HADHA: variants seen among roughly 807,000 people sequenced by gnomAD.
The protein encoded by HADHA is trifunctional enzyme subunit alpha, mitochondrial.
A neutral mutation model predicts 91.3 loss-of-function variants in HADHA; 59 were observed. The observed-to-expected ratio is 0.65, with a 90% CI of 0.52 to 0.80. The LOEUF (loss-of-function observed/expected upper bound fraction) is 0.80, where lower values mean the gene tolerates loss of function less well. Ranked by LOEUF, HADHA falls within the 30% of genes least tolerant of loss-of-function variation. The pLI, the probability that HADHA is intolerant of heterozygous loss-of-function variation, is 0.00. For synonymous variants in HADHA, 320 were observed against 338.9 expected (o/e 0.94, Z 0.61); for missense variants, 800 against 927.6 (o/e 0.86, Z 1.79).
chr2:26,218,336 C>T (rs1408389377), intron 7 of HADHA, among the ~76,000 whole-genome samples: 1 of 151,260 alleles, frequency 6.6e-6, no homozygotes, highest in Non-Finnish European at 1.5e-5. Context: ...CATTAGCAAT[C>T]TAGGAAAAAT....
chr2:26,227,799 A>T (rs1387182511), intron 7 of HADHA, among the ~76,000 whole-genome samples: 1 of 151,906 alleles, frequency 6.6e-6, no homozygotes, highest in African/African-American at 2.4e-5. Flanking sequence ...GCAAGACTCA[A>T]AGTCTCATCT....
rs1035677622 is a variant in HADHA, at chr2:26,214,211, C to T, written c.918+232G>A. ...CTGGTTTTCTGGTTTGTTACTGATA[C>T]ATTTAACTGCATCAATCAATGAGTA... On this transcript the variant is annotated intron_variant, in intron 9 of 19. Coordinates refer to ENST00000380649, the MANE Select transcript of HADHA (RefSeq NM_000182.5). The surrounding 1 kb of genome is among the most constrained non-coding windows in gnomAD (Gnocchi z 4.1). 1.7e-4 allele frequency among the ~76,000 whole-genome samples: 26 copies of T among 152,164 alleles called. No individual in the cohort carries two copies. The highest frequency in any genetic ancestry group is 6.0e-4 in the African/African-American group (25 of 41,438).
intron 12 of HADHA, 143 bp downstream of exon 12, chr2:26,203,919 T>A (rs564346237): frequency 7.1e-6 from 6 of 840,902 alleles, no homozygotes; most frequent in African/African-American, 6.7e-5. Flanking sequence ...CTACGGAGTA[T>A]CTAGAACTCA....
At chr2:26,200,967 C>T (rs1485922347) in intron 13 of HADHA, among the ~76,000 whole-genome samples, 182 bp downstream of exon 13, 3 of 152,026 alleles carry the variant, frequency 2.0e-5, no homozygotes, top group Admixed American at 6.6e-5. Flanking sequence ...CTCCTTACCT[C>T]GTGATCCGCC....
intron 5 of HADHA, among the ~76,000 whole-genome samples, chr2:26,232,492 T>C (rs1670647451): frequency 6.6e-6 from 1 of 152,124 alleles, no homozygotes; most frequent in Non-Finnish European, 1.5e-5. Flanking sequence ...TTTTGGGCCG[T>C]AGATCTCCTA....
chr2:26,202,569 C>T (rs1310577170), intron 12 of HADHA, among the ~76,000 whole-genome samples: 5 of 152,104 alleles, frequency 3.3e-5, no homozygotes, highest in Admixed American at 6.6e-5. Context: ...GGTGAAATCC[C>T]GTCTCTATAA....
intron 4 of HADHA, among the ~76,000 whole-genome samples, 189 bp downstream of exon 4, chr2:26,236,666 C>T (rs1348263665): frequency 6.6e-6 from 1 of 152,032 alleles, no homozygotes; most frequent in African/African-American, 2.4e-5. Context: ...CCACCTGCCT[C>T]GGCCTCCCAA....
Position 26,195,206 on chromosome 2 carries a change from G to C in HADHA, c.1506C>G (p.Pro502=). The change falls in exon 15 of 20, where the codon CCC becomes CCG. Residue 502 remains proline (P), a synonymous_variant. Coordinates refer to ENST00000380649, the MANE Select transcript of HADHA (RefSeq NM_000182.5). ...EKVIGMHYFS[P]VDKMQLLEII... ...TCTCCAGCAGCTGCATCTTGTCCACGGGAGAGAAGTAGTGCATGCCAATCA... is the reference window on the plus strand; with the variant it reads ...TCTCCAGCAGCTGCATCTTGTCCACCGGAGAGAAGTAGTGCATGCCAATCA... 1 of 1,612,734 alleles carries C rather than the reference G, an allele frequency of 6.2e-7. No individual in the cohort carries two copies. The highest frequency in any genetic ancestry group is 8.5e-7 in the Non-Finnish European group (1 of 1,178,852).
At chr2:26,207,424 A>G (rs1222018720) in intron 11 of HADHA, among the ~76,000 whole-genome samples, 1 of 151,132 alleles carries the variant, frequency 6.6e-6, no homozygotes, top group Non-Finnish European at 1.5e-5. Flanking sequence ...CTTTTTTGGT[A>G]TAACAGAATC....
At chr2:26,231,968 C>CAAAA (rs70950177) in intron 6 of HADHA, among the ~76,000 whole-genome samples, 192 bp downstream of exon 6, 2 of 92,460 alleles carry the variant, frequency 2.2e-5, no homozygotes, top group Admixed American at 1.2e-4. Flanking sequence ...GATTTTGTCT[C>CAAAA]AAAAAAAAAA....
intron 10 of HADHA, among the ~76,000 whole-genome samples, chr2:26,211,544 A>G (rs1670101410): frequency 6.6e-6 from 1 of 152,240 alleles, no homozygotes; most frequent in African/African-American, 2.4e-5. Flanking sequence ...TATAAGGTGT[A>G]TATGAAATTA....
At chr2:26,234,187 A>G (rs1198682407) in intron 5 of HADHA, 30 bp downstream of exon 5, 28 of 1,604,690 alleles carry the variant, frequency 1.7e-5, no homozygotes, top group Non-Finnish European at 2.3e-5. Context: ...TGAGTTGGAC[A>G]GTGTCTCAAT....
At position 26,214,576 on chromosome 2, in the gene HADHA, GC is replaced by G. The variant is rs759071815; in HGVS notation, c.800-16del. 7.6e-6 allele frequency: 10 copies of G among 1,316,206 alleles called. No homozygotes were observed. The South Asian group carries it at 1.2e-4, about 15-fold the overall frequency. 81.5% of individuals were successfully genotyped at this position (1,316,206 alleles called of 1,614,324 possible). A position where few individuals can be genotyped will look rare whatever the true frequency, so the allele number is the denominator to read the frequency against. On this transcript the variant is annotated splice_polypyrimidine_tract_variant and intron_variant, in intron 8 of 19. Transcript: ENST00000380649. This position sits in a 1 kb window ranked among gnomAD's most constrained non-coding sequence, Gnocchi z 4.1. The stretch of plus-strand genomic sequence containing the variant: ...CGCTGTCAATTCTGTAAAATAAAAT[GC>G]TTTTAGATATTTACTATAAAGAGCC...
At chr2:26,209,222 G>A (rs182959611) in intron 11 of HADHA, among the ~76,000 whole-genome samples, 51 of 152,202 alleles carry the variant, frequency 3.4e-4, no homozygotes, top group Admixed American at 1.4e-3. Context: ...AATTGTCCAC[G>A]CTGAGAACCA....
intron 14 of HADHA, 116 bp downstream of exon 14, chr2:26,197,575 G>A (rs139386600): frequency 8.2e-6 from 6 of 733,292 alleles, no homozygotes; most frequent in African/African-American, 6.8e-5. Flanking sequence ...CAGTGTTTAG[G>A]AACCACCCGC....
At chr2:26,224,115 G>A (rs533002029) in intron 7 of HADHA, among the ~76,000 whole-genome samples, 5 of 152,284 alleles carry the variant, frequency 3.3e-5, no homozygotes, top group South Asian at 2.1e-4. Context: ...CCATAAAGCC[G>A]CAGGAACCTT....
intron 1 of HADHA, among the ~76,000 whole-genome samples, chr2:26,244,250 G>A (rs558617665): frequency 6.6e-6 from 1 of 152,382 alleles, no homozygotes; most frequent in East Asian, 1.9e-4. Flanking sequence ...GCCCAGAAGT[G>A]CGACGCAAGA....
In HADHA at chr2:26,236,830, T is replaced by C. The variant is rs1334093375; in HGVS notation, c.314+25A>G. The C allele has an allele frequency of 1.9e-6, 3 of 1,584,378 alleles. No homozygotes were observed. The South Asian group carries it at 3.3e-5, about 18-fold the overall frequency. On this transcript the variant is annotated intron_variant, in intron 4 of 19. Coordinates refer to ENST00000380649, the MANE Select transcript of HADHA (RefSeq NM_000182.5). ...ACACACTATTAACCAAGATAAAAGG[T>C]GACTTCAAGTTTCCTAAAACTTACT...
intron 1 of HADHA, among the ~76,000 whole-genome samples, chr2:26,242,428 A>G (rs1670919829): frequency 6.6e-6 from 1 of 152,248 alleles, no homozygotes; most frequent in African/African-American, 2.4e-5. Context: ...TGCAAAGTAT[A>G]TATTTATGTG....
Sources: gnomAD v4.1 joint callset for allele counts (sites outside exome capture counted in the v4.1 genomes callset) on GRCh38, gnomAD v4.1.1 for gene constraint, Gnocchi (gnomAD v3.1) non-coding constraint, MANE v1.5 for transcripts, NCBI Gene and HGNC (gene_info 2026-07-23, HGNC 2026-07-21) for gene names.